The following MERTK variants were observed in gnomAD, a reference collection of about 807,000 sequenced individuals.
MERTK encodes tyrosine-protein kinase Mer.
A neutral mutation model predicts 99.3 loss-of-function variants in MERTK; 69 were observed. The observed-to-expected ratio is 0.70, with a 90% CI of 0.57 to 0.85. The LOEUF (loss-of-function observed/expected upper bound fraction) is 0.85, where lower values mean the gene tolerates loss of function less well. Among genes scored for constraint, MERTK ranks in the 40% least tolerant of loss-of-function variants. The pLI is 0.00. For missense variants in MERTK, 1,125 were observed against 1,249.4 expected, an observed-to-expected ratio of 0.90 and a Z score of 1.50; for synonymous variants, 426 against 467.6, an observed-to-expected ratio of 0.91 and a Z score of 1.15.
intron 4 of MERTK, among the ~76,000 whole-genome samples, chr2:111,950,283 G>A (rs1204098623): frequency 1.3e-5 from 2 of 152,124 alleles, no homozygotes; most frequent in Non-Finnish European, 2.9e-5. Context: ...GTATTAATGT[G>A]TTAATTTGGT....
At chr2:111,903,706 G>A (rs930465690) in intron 1 of MERTK, among the ~76,000 whole-genome samples, 3 of 152,206 alleles carry the variant, frequency 2.0e-5, no homozygotes, top group East Asian at 3.8e-4. Flanking sequence ...TGGAATGAAA[G>A]TGTTAACCGG....
At chr2:111,948,416 T>C (rs1252607708) in intron 4 of MERTK, among the ~76,000 whole-genome samples, 1 of 152,198 alleles carries the variant, frequency 6.6e-6, no homozygotes, top group African/African-American at 2.4e-5. Flanking sequence ...TTTGGGCCCA[T>C]GGTTTAACAC....
chr2:111,944,071 G>T (rs961434595), intron 2 of MERTK, among the ~76,000 whole-genome samples: 2 of 152,068 alleles, frequency 1.3e-5, no homozygotes, highest in African/African-American at 4.8e-5. Flanking sequence ...GGCCAAGGTG[G>T]GTGGATCCCC....
At chr2:111,922,517 T>C (rs1430568801) in intron 1 of MERTK, among the ~76,000 whole-genome samples, 1 of 152,230 alleles carries the variant, frequency 6.6e-6, no homozygotes, top group Non-Finnish European at 1.5e-5. Flanking sequence ...ACATCACTAA[T>C]TAAACTCAGC....
chr2:112,014,110 C>T (rs1323110182), intron 15 of MERTK, among the ~76,000 whole-genome samples: 1 of 151,600 alleles, frequency 6.6e-6, no homozygotes, highest in African/African-American at 2.4e-5. Flanking sequence ...CAAGCTCCAC[C>T]TCCTGGGTTC....
chr2:111,997,562 T>G, intron 10 of MERTK, 86 bp downstream of exon 10: 1 of 1,477,622 alleles, frequency 6.8e-7, no homozygotes, highest in Non-Finnish European at 9.3e-7. Flanking sequence ...TTGGGCCAGC[T>G]GCTTACATTG....
In MERTK at chr2:111,997,221, T is replaced by A. The variant is rs767595772; in HGVS notation, c.1451-102T>A. 16 of 1,333,598 alleles carry A rather than the reference T, an allele frequency of 1.2e-5. No individual in the cohort carries two copies. The Middle Eastern group carries it at 5.4e-4, about 45-fold the overall frequency. 82.6% of individuals were successfully genotyped at this position (1,333,598 alleles called of 1,614,324 possible). On this transcript the variant is annotated intron_variant, in intron 9 of 18. Transcript: ENST00000295408. ...CCTATATTTGTAGATTATAAAAGATTTAACTGAGTTCTGAAAGCTTTGACT... is the reference window on the plus strand; with the variant it reads ...CCTATATTTGTAGATTATAAAAGATATAACTGAGTTCTGAAAGCTTTGACT...
intron 8 of MERTK, among the ~76,000 whole-genome samples, chr2:111,984,853 A>G (rs574120391): frequency 6.6e-6 from 1 of 152,356 alleles, no homozygotes; most frequent in African/African-American, 2.4e-5. Flanking sequence ...GGCTCCTGCC[A>G]GCTACAGAGG....
At chr2:111,901,189 T>C (rs1684036021) in intron 1 of MERTK, among the ~76,000 whole-genome samples, 1 of 152,106 alleles carries the variant, frequency 6.6e-6, no homozygotes, top group South Asian at 2.1e-4. Flanking sequence ...AAGCGGTGGC[T>C]CTCTGAAGGG....
intron 8 of MERTK, among the ~76,000 whole-genome samples, chr2:111,987,990 T>TA (rs1676522556): frequency 4.8e-5 from 1 of 20,736 alleles, no homozygotes; most frequent in Admixed American, 4.8e-4. Context: ...TAGAACTAAC[T>TA]TTTTTTTTTT....
At chr2:111,958,343 C>T (rs1417928790) in intron 4 of MERTK, among the ~76,000 whole-genome samples, 1 of 152,174 alleles carries the variant, frequency 6.6e-6, no homozygotes, top group Non-Finnish European at 1.5e-5. Context: ...GCTGTCTTCT[C>T]CTAGTGTACA....
chr2:111,949,480 C>G (rs1202021347), intron 4 of MERTK, among the ~76,000 whole-genome samples: 1 of 152,090 alleles, frequency 6.6e-6, no homozygotes, highest in East Asian at 1.9e-4. Context: ...TCTGAGTTTT[C>G]TTTGAGTTTT....
chr2:111,944,982 G>C lies in MERTK; in HGVS notation c.505G>C (p.Asp169His). The C allele has an allele frequency of 6.2e-7, 1 of 1,613,630 alleles. No homozygotes were observed. The highest frequency in any genetic ancestry group is 1.7e-5 in the Admixed American group (1 of 60,016). ...SFSITSVQRS[D>H]NGSYICKMKI... Reference sequence around the variant, plus strand: ...CAGCATAACCAGTGTGCAGCGTTCAGACAATGGGTCGTATATCTGTAAGAT... The same window carrying C: ...CAGCATAACCAGTGTGCAGCGTTCACACAATGGGTCGTATATCTGTAAGAT... The change falls in exon 3 of 19, where the codon GAC becomes CAC. Residue 169 changes from aspartate (D) to histidine (H), a missense_variant. Physicochemically the swap from Asp to His is moderately conservative, Grantham distance 81 (BLOSUM62 -1). Transcript: ENST00000295408.
At chr2:111,980,589 T>C (rs1676351446) in intron 7 of MERTK, among the ~76,000 whole-genome samples, 2 of 152,022 alleles carry the variant, frequency 1.3e-5, no homozygotes, top group Non-Finnish European at 1.5e-5. Context: ...CGGCTAATTT[T>C]TTGTATTTTT....
chr2:112,020,590 T>C (rs1034208271), intron 16 of MERTK: 1 of 471,012 alleles, frequency 2.1e-6, no homozygotes, highest in Non-Finnish European at 4.4e-6. Flanking sequence ...TAATTTCTCA[T>C]TTAATTCCTC....
chr2:111,955,609 A>T (rs1317740090), intron 4 of MERTK, among the ~76,000 whole-genome samples: 4 of 152,204 alleles, frequency 2.6e-5, no homozygotes, highest in Admixed American at 2.6e-4. Context: ...CCTGTGTTTT[A>T]GTTAATAATA....
chr2:111,949,170 T>C (rs1685011909), intron 4 of MERTK, among the ~76,000 whole-genome samples: 1 of 152,002 alleles, frequency 6.6e-6, no homozygotes, highest in Admixed American at 6.6e-5. Flanking sequence ...GTCCCCTCAA[T>C]CCCATATTCC....
intron 4 of MERTK, among the ~76,000 whole-genome samples, chr2:111,962,393 A>T (rs1287881832): frequency 6.6e-6 from 1 of 152,110 alleles, no homozygotes; most frequent in East Asian, 1.9e-4. Context: ...TGTAATCCCA[A>T]CTACTTGGAA....
chr2:111,914,101 C>CTTTTTTTTTTTTT (rs765850254), intron 1 of MERTK, among the ~76,000 whole-genome samples: 82 of 94,446 alleles, frequency 8.7e-4, no homozygotes, highest in Non-Finnish European at 1.0e-3. Flanking sequence ...TTCTTTCTTT[C>CTTTTTTTTTTTTT]TTTTTTTTTT....
Sources: gnomAD v4.1 joint callset for allele counts (sites outside exome capture counted in the v4.1 genomes callset) on GRCh38, gnomAD v4.1.1 for gene constraint, MANE v1.5 for transcripts, NCBI Gene and HGNC (gene_info 2026-07-23, HGNC 2026-07-21) for gene names.